KMT2C: variants seen among roughly 807,000 people sequenced by gnomAD.
KMT2C encodes lysine methyltransferase 2C.
Under a neutral mutation model 507.9 loss-of-function variants are expected in KMT2C, and 88 were observed. The observed-to-expected ratio is 0.17, with a 90% CI of 0.15 to 0.21. KMT2C has a LOEUF of 0.21. Ranked by LOEUF, KMT2C falls within the 10% of genes least tolerant of loss-of-function variation. The pLI is 1.00. For synonymous variants in KMT2C, 2,049 were observed against 2,080.8 expected (o/e 0.98, Z 0.42); for missense variants, 4,954 against 5,957.8 (o/e 0.83, Z 5.55).
At chr7:152,386,081 C>T (rs1400695891) in intron 1 of KMT2C, among the ~76,000 whole-genome samples, 4 of 146,338 alleles carry the variant, frequency 2.7e-5, no homozygotes, top group Admixed American at 1.4e-4. Flanking sequence ...AATGAGACTC[C>T]GTCAAAAAAA....
intron 6 of KMT2C, among the ~76,000 whole-genome samples, chr7:152,289,975 A>T (rs1030296739): frequency 1.3e-4 from 19 of 151,916 alleles, no homozygotes; most frequent in Non-Finnish European, 1.9e-4. Flanking sequence ...TGAACCCAGG[A>T]GACAGAAGTG....
In KMT2C at chr7:152,152,918, G is replaced by C; in HGVS notation, c.12313C>G (p.Leu4105Val). The C allele has an allele frequency of 6.2e-7, 1 of 1,614,212 alleles. No homozygotes were observed. Among genetic ancestry groups the C allele is most frequent in the Non-Finnish European group, 8.5e-7 (1 of 1,180,030 alleles). Residue 4105 changes from leucine (L) to valine (V), a missense_variant, in exon 49 of 59, where the codon CTT (leucine) becomes GTT (valine). Transcript: ENST00000262189. ...SSVVAAFSDL[L>V]HVRIPNSYEV... ...TAGCTGTTAGGGATTCGGACGTGAAGAAGGTCGGAAAATGCAGCCACAACA... is the reference window on the plus strand; with the variant it reads ...TAGCTGTTAGGGATTCGGACGTGAACAAGGTCGGAAAATGCAGCCACAACA...
chr7:152,205,776 C>T (rs140093945), intron 24 of KMT2C, among the ~76,000 whole-genome samples: 1,818 of 152,256 alleles, frequency 0.012, 42 homozygotes, highest in African/African-American at 0.042. Flanking sequence ...TGTGGAAGTG[C>T]ACTCTATGAT....
intron 33 of KMT2C, 109 bp downstream of exon 33, chr7:152,187,153 A>G: frequency 1.2e-6 from 1 of 802,526 alleles, no homozygotes; most frequent in Non-Finnish European, 2.1e-6. Context: ...GTTGTGGGTC[A>G]TCATAGACAA....
At chr7:152,418,357 C>A (rs1488292021) in intron 1 of KMT2C, among the ~76,000 whole-genome samples, 1 of 152,144 alleles carries the variant, frequency 6.6e-6, no homozygotes, top group Non-Finnish European at 1.5e-5. Flanking sequence ...CACATAGTAA[C>A]AAAAGGCAGT....
At chr7:152,410,383 G>T (rs1469532973) in intron 1 of KMT2C, among the ~76,000 whole-genome samples, 1 of 149,530 alleles carries the variant, frequency 6.7e-6, no homozygotes, top group African/African-American at 2.5e-5. Context: ...TCGCACTCCA[G>T]CTTGGGCGAC....
intron 2 of KMT2C, among the ~76,000 whole-genome samples, chr7:152,340,989 CTT>C (rs2129219559): frequency 6.6e-6 from 1 of 152,192 alleles, no homozygotes; most frequent in South Asian, 2.1e-4. Context: ...TCCTACATAA[CTT>C]TTAAATGTTA....
intron 9 of KMT2C, among the ~76,000 whole-genome samples, chr7:152,253,514 CAAAAAAAAAAAAAAA>C (rs71198770): frequency 5.1e-5 from 2 of 39,510 alleles, no homozygotes; most frequent in Non-Finnish European, 1.0e-4. Flanking sequence ...TCTTTCTCTA[CAAAAAAAAAAAAAAA>C]AAAAAAAAAA....
chr7:152,308,476 G>A (rs2129198179), intron 6 of KMT2C, among the ~76,000 whole-genome samples: 1 of 151,650 alleles, frequency 6.6e-6, no homozygotes, highest in Admixed American at 6.6e-5. Context: ...AGGAGTTCAA[G>A]ATCAGGCTGG....
At chr7:152,376,690 A>G (rs1043500527) in intron 1 of KMT2C, among the ~76,000 whole-genome samples, 12 of 152,382 alleles carry the variant, frequency 7.9e-5, no homozygotes, top group African/African-American at 2.9e-4. Context: ...GTTCATGAGG[A>G]AAAATGCTCT....
intron 4 of KMT2C, among the ~76,000 whole-genome samples, chr7:152,314,919 T>C (rs1407455086): frequency 1.3e-5 from 2 of 152,168 alleles, no homozygotes; most frequent in Non-Finnish European, 2.9e-5. Flanking sequence ...TCATATACAA[T>C]TAATATAAAC....
At chr7:152,319,341 T>C (rs2129205029) in intron 3 of KMT2C, among the ~76,000 whole-genome samples, 1 of 152,262 alleles carries the variant, frequency 6.6e-6, no homozygotes, top group East Asian at 1.9e-4. Context: ...TCTACAATCA[T>C]AACCTAGGAA....
Position 152,434,700 on chromosome 7 carries a change from A to T in KMT2C, c.161+926T>A, listed in dbSNP as rs184678792. Among the ~76,000 whole-genome samples, 21 of 152,242 alleles carry T rather than the reference A, an allele frequency of 1.4e-4. 1 individual carries two copies. Among genetic ancestry groups the T allele is most frequent in the African/African-American group, 5.1e-4 (21 of 41,538 alleles). Reference sequence around the variant, plus strand: ...AAGCCGAGCAGTTCGCTGGCACTAAAACGGTGTCTTAATTTACAAGCAAAG... The same window carrying T: ...AAGCCGAGCAGTTCGCTGGCACTAATACGGTGTCTTAATTTACAAGCAAAG... On this transcript the variant is annotated intron_variant, in intron 1 of 58. Transcript: ENST00000262189.
intron 1 of KMT2C, among the ~76,000 whole-genome samples, chr7:152,387,374 CCTACA>C (rs2097438544): frequency 2.6e-5 from 4 of 151,104 alleles, no homozygotes; most frequent in Non-Finnish European, 5.9e-5. Flanking sequence ...CTGAACTGCA[CCTACA>C]TTAATCACAA....
chr7:152,399,622 T>G (rs969906896), intron 1 of KMT2C, among the ~76,000 whole-genome samples: 6 of 151,600 alleles, frequency 4.0e-5, no homozygotes, highest in Non-Finnish European at 8.8e-5. Context: ...ATCTTAAAGC[T>G]GAGTGATATC....
At chr7:152,267,571 T>C (rs752440799) in intron 7 of KMT2C, among the ~76,000 whole-genome samples, 1 of 152,192 alleles carries the variant, frequency 6.6e-6, no homozygotes, top group Non-Finnish European at 1.5e-5. Context: ...GACATTACTT[T>C]TAATGGCGAA....
At chr7:152,184,280 C>T (rs1318869354) in intron 34 of KMT2C, among the ~76,000 whole-genome samples, 1 of 151,912 alleles carries the variant, frequency 6.6e-6, no homozygotes, top group African/African-American at 2.4e-5. Context: ...CACATATATG[C>T]TCTATCCAAA....
intron 1 of KMT2C, among the ~76,000 whole-genome samples, chr7:152,369,299 G>A (rs1469871258): frequency 1.3e-5 from 2 of 151,592 alleles, no homozygotes; most frequent in Non-Finnish European, 2.9e-5. Flanking sequence ...CTCCAGCCTG[G>A]GCAACAGAGT....
At chr7:152,415,613 G>A (rs1321880411) in intron 1 of KMT2C, among the ~76,000 whole-genome samples, 3 of 152,198 alleles carry the variant, frequency 2.0e-5, no homozygotes, top group African/African-American at 7.2e-5. Flanking sequence ...TGACGCGGTG[G>A]CTCATGCCTG....
Sources: allele counts gnomAD v4.1 joint callset (sites outside exome capture counted in the v4.1 genomes callset), GRCh38; gene constraint gnomAD v4.1.1; transcripts MANE v1.5; gene names NCBI Gene and HGNC (gene_info 2026-07-23, HGNC 2026-07-21).